The following LRRC1 variants were observed in gnomAD, a reference collection of about 807,000 sequenced individuals.
LRRC1 encodes leucine rich repeat containing 1, also known as leucine-rich repeat-containing protein 1.
In LRRC1, 28 loss-of-function variants were observed where a neutral mutation model predicts 69.9. The observed-to-expected ratio is 0.40, with a 90% CI of 0.30 to 0.55. The LOEUF is 0.55. Ranked by LOEUF, LRRC1 falls within the 20% of genes least tolerant of loss-of-function variation. The pLI is 0.47. For synonymous variants in LRRC1, 236 were observed against 240.2 expected, an observed-to-expected ratio of 0.98 and a Z score of 0.16; for missense variants, 498 against 609.0, an observed-to-expected ratio of 0.82 and a Z score of 1.92.
At chr6:53,889,366 C>T (rs1005098674) in intron 4 of LRRC1, among the ~76,000 whole-genome samples, 3 of 151,706 alleles carry the variant, frequency 2.0e-5, no homozygotes, top group Non-Finnish European at 4.4e-5. Context: ...TATGTATACT[C>T]AAAAGAATTG....
chr6:53,807,166 C>T (rs893864488), intron 1 of LRRC1, among the ~76,000 whole-genome samples: 5 of 152,140 alleles, frequency 3.3e-5, no homozygotes, highest in African/African-American at 1.2e-4. Context: ...CTAGTCTCCT[C>T]CTGAATAGCT....
rs752539676 is a variant in LRRC1, at chr6:53,897,321, C to A, written c.604C>A (p.Leu202Ile). 2 of 1,612,862 alleles carry A rather than the reference C, an allele frequency of 1.2e-6. No homozygotes were observed. Among genetic ancestry groups the A allele is most frequent in the East Asian group, 2.2e-5 (1 of 44,844 alleles). The part of the protein sequence containing the change: ...SIGALLHLKD[L>I]WLDGNQLSEL... ...TGGAGCCCTCTTACATCTAAAAGAT[C>A]TCTGGTTGGATGGAAATCAACTGTC... Residue 202 changes from leucine to isoleucine, a missense_variant, in exon 7 of 14, where the codon CTC becomes ATC. This residue lies in a region of LRRC1 where 266 missense variants were observed against 383.9 expected (regional missense o/e 0.69). Transcript: ENST00000370888.
intron 2 of LRRC1, among the ~76,000 whole-genome samples, chr6:53,871,311 T>C (rs1456751689): frequency 6.6e-6 from 1 of 152,192 alleles, no homozygotes; most frequent in Non-Finnish European, 1.5e-5. Flanking sequence ...GTTTTTTGTC[T>C]TTTTGATAAT....
At chr6:53,897,195 T>A in intron 6 of LRRC1, 90 bp from the exon 7 acceptor site, 1 of 850,096 alleles carries the variant, frequency 1.2e-6, no homozygotes, top group African/African-American at 1.7e-5. Context: ...GGTACCCAGT[T>A]GTTAACAGAT....
At chr6:53,819,886 T>A (rs1334006193) in intron 1 of LRRC1, among the ~76,000 whole-genome samples, 1 of 152,204 alleles carries the variant, frequency 6.6e-6, no homozygotes, top group Non-Finnish European at 1.5e-5. Flanking sequence ...CTAGAGCATG[T>A]GAATATATAT....
chr6:53,812,216 A>G (rs539176904), intron 1 of LRRC1, among the ~76,000 whole-genome samples: 60 of 152,328 alleles, frequency 3.9e-4, no homozygotes, highest in Middle Eastern at 6.8e-3. Flanking sequence ...GCTCAGCCTA[A>G]TGGCAGCTTT....
At chr6:53,849,191 A>G (rs1766047983) in intron 2 of LRRC1, among the ~76,000 whole-genome samples, 1 of 149,616 alleles carries the variant, frequency 6.7e-6, no homozygotes, top group East Asian at 2.0e-4. Flanking sequence ...TGTTTTGTCT[A>G]TTTTAAATAG....
intron 9 of LRRC1, 68 bp downstream of exon 9, chr6:53,902,815 G>A: frequency 2.0e-6 from 2 of 990,152 alleles, no homozygotes. Flanking sequence ...TGTAATTTGA[G>A]TGGACTAAAT....
intron 4 of LRRC1, among the ~76,000 whole-genome samples, chr6:53,893,866 G>A (rs1457629053): frequency 6.6e-6 from 1 of 152,134 alleles, no homozygotes; most frequent in African/African-American, 2.4e-5. Flanking sequence ...TTAGCATGAT[G>A]GGGGTGGGAA....
intron 2 of LRRC1, among the ~76,000 whole-genome samples, chr6:53,871,842 A>G (rs567039172): frequency 6.6e-6 from 1 of 152,066 alleles, no homozygotes; most frequent in South Asian, 2.1e-4. Flanking sequence ...TAATTTTTGT[A>G]TTTTTAGTGG....
chr6:53,818,475 A>T (rs1765016986), intron 1 of LRRC1, among the ~76,000 whole-genome samples: 1 of 152,250 alleles, frequency 6.6e-6, no homozygotes, highest in African/African-American at 2.4e-5. Flanking sequence ...TGGTACATAC[A>T]TACTATGGCT....
At chr6:53,811,035 A>G (rs754742903) in intron 1 of LRRC1, among the ~76,000 whole-genome samples, 2 of 152,204 alleles carry the variant, frequency 1.3e-5, no homozygotes, top group African/African-American at 2.4e-5. Flanking sequence ...TACCCCAGGC[A>G]TTGGGAAATT....
At chr6:53,896,407 G>A in intron 4 of LRRC1, 91 bp from the exon 5 acceptor site, 3 of 1,053,430 alleles carry the variant, frequency 2.8e-6, no homozygotes, top group Non-Finnish European at 4.4e-6. Context: ...ATTAAGTGTT[G>A]CAACTTGTCC....
At chr6:53,837,461 G>A (rs529738541) in intron 1 of LRRC1, among the ~76,000 whole-genome samples, 17 of 152,264 alleles carry the variant, frequency 1.1e-4, no homozygotes, top group African/African-American at 3.6e-4. Flanking sequence ...GGATGAAAAG[G>A]GGTCAAGATG....
rs112302336 is a variant in LRRC1, at chr6:53,810,572, A to C, written c.159+15157A>C. Among the ~76,000 whole-genome samples, 1,255 of 152,098 alleles carry C rather than the reference A, an allele frequency of 8.3e-3. 12 individuals carry two copies. The highest frequency in any genetic ancestry group is 0.028 in the African/African-American group (1,144 of 41,482). Reference sequence around the variant, plus strand: ...GAGGTGGGGCTTGCAGTGAGCCGAGATCCGGCCACTGCACTCCAGCCTGGG... The same window carrying C: ...GAGGTGGGGCTTGCAGTGAGCCGAGCTCCGGCCACTGCACTCCAGCCTGGG... On this transcript the variant is annotated intron_variant, in intron 1 of 13. Coordinates refer to ENST00000370888, the MANE Select transcript of LRRC1 (RefSeq NM_018214.5).
At chr6:53,901,316 C>A (rs1768049937) in intron 8 of LRRC1, among the ~76,000 whole-genome samples, 1 of 152,144 alleles carries the variant, frequency 6.6e-6, no homozygotes, top group Non-Finnish European at 1.5e-5. Flanking sequence ...GTAATCCTAG[C>A]ACCTTGGGAG....
intron 2 of LRRC1, among the ~76,000 whole-genome samples, chr6:53,856,364 G>A (rs2127421401): frequency 6.6e-6 from 1 of 152,300 alleles, no homozygotes; most frequent in Admixed American, 6.5e-5. Context: ...CATCCGTGAT[G>A]ACACAGGACA....
chr6:53,829,425 A>C (rs1407578845), intron 1 of LRRC1, among the ~76,000 whole-genome samples: 1 of 152,190 alleles, frequency 6.6e-6, no homozygotes, highest in Non-Finnish European at 1.5e-5. Flanking sequence ...AGACTTTGAA[A>C]ACCTGTCTAG....
intron 2 of LRRC1, among the ~76,000 whole-genome samples, chr6:53,844,065 G>A (rs985983165): frequency 6.6e-6 from 1 of 152,116 alleles, no homozygotes; most frequent in Non-Finnish European, 1.5e-5. Flanking sequence ...AGAAGTTGTT[G>A]ATGAGCAGCT....
Sources: allele counts gnomAD v4.1 joint callset (sites outside exome capture counted in the v4.1 genomes callset), GRCh38; gene constraint gnomAD v4.1.1; regional missense constraint gnomAD v4.1.1; transcripts MANE v1.5; gene names NCBI Gene and HGNC (gene_info 2026-07-23, HGNC 2026-07-21).